Variants in NUP205 observed in about 807,000 individuals in gnomAD.
NUP205 encodes nucleoporin 205.
NUP205 carries 76 observed loss-of-function variants against 253.8 expected under a neutral mutation model. That is an observed-to-expected ratio of 0.30 (90% CI 0.25 to 0.36). The LOEUF (loss-of-function observed/expected upper bound fraction) is 0.36, where lower values mean the gene tolerates loss of function less well. NUP205 is among the 10% of genes least tolerant of loss of function. The pLI is 1.00. For missense variants in NUP205, 2,162 were observed against 2,425.5 expected (o/e 0.89, Z 2.28); for synonymous variants, 832 against 850.1 (o/e 0.98, Z 0.37).
At chr7:135,613,699 G>C (rs1311987640) in intron 22 of NUP205, 1 of 151,800 alleles carries the variant, frequency 6.6e-6, no homozygotes, top group Non-Finnish European at 1.5e-5. Flanking sequence ...ACCATGCCTG[G>C]CTAATTTTTG....
chr7:135,627,838 G>A (rs1479930303), intron 33 of NUP205, 135 bp from the exon 34 acceptor site: 6 of 719,708 alleles, frequency 8.3e-6, no homozygotes, highest in Admixed American at 2.3e-5. Context: ...ATGTATATAT[G>A]GGATGCAGAG....
At chr7:135,635,679 A>G (rs1364778873) in intron 36 of NUP205, 22 bp downstream of exon 36, 1 of 1,386,950 alleles carries the variant, frequency 7.2e-7, no homozygotes. Context: ...TTATTTCTTT[A>G]AATAGCAGTT....
Position 135,638,582 on chromosome 7 carries a change from G to T in NUP205, c.5291G>T (p.Cys1764Phe). Residue 1764 changes from cysteine to phenylalanine, a missense_variant, in exon 38 of 43, where the codon TGC (cysteine) becomes TTC (phenylalanine). Cys to Phe is a radical substitution (Grantham distance 205, BLOSUM62 -2). This residue lies in a region of NUP205 where 1,144 missense variants were observed against 1,280.9 expected (regional missense o/e 0.89). Transcript: ENST00000285968. ...QQICANVMEYCQSLMLQSSPT... is the reference protein window; with the variant it reads ...QQICANVMEYFQSLMLQSSPT... ...ATTTGTGCCAATGTAATGGAATATT[G>T]CCAGTCACTCATGTTACAGAGTTCC... The T allele has an allele frequency of 6.2e-7, 1 of 1,613,756 alleles. No homozygotes were observed. Among genetic ancestry groups the T allele is most frequent in the East Asian group, 2.2e-5 (1 of 44,868 alleles).
In NUP205 at chr7:135,614,263, T is replaced by G; in HGVS notation, c.3300T>G (p.Phe1100Leu). 6.4e-7 allele frequency: 1 copy of G among 1,563,332 alleles called. No homozygotes were observed. Among genetic ancestry groups the G allele is most frequent in the South Asian group, 1.1e-5 (1 of 89,960 alleles). Residue 1100 changes from phenylalanine (F) to leucine (L), a missense_variant, in exon 23 of 43, where the codon TTT becomes TTG. By Grantham distance (22) the Phe-to-Leu change is conservative. Around this residue, in one of 5 missense-constraint regions of NUP205, gnomAD observed 1,144 missense variants for 1,280.9 expected, o/e 0.89. Coordinates refer to ENST00000285968, the MANE Select transcript of NUP205 (RefSeq NM_015135.3). ...TTTCCCAGTTGCAGTATCTACCATT[T>G]TCTAACAAAGGTAGGCCATTATTTT... ...FLFSQLQYLP[F>L]SNKEYEISML...
chr7:135,615,305 A>G (rs1013719829), intron 23 of NUP205, among the ~76,000 whole-genome samples: 4 of 152,180 alleles, frequency 2.6e-5, no homozygotes, highest in African/African-American at 9.6e-5. Context: ...TCGCGCCTAT[A>G]ATCCCAGTGC....
intron 32 of NUP205, 124 bp downstream of exon 32, chr7:135,625,479 T>A (rs1001214149): frequency 2.2e-5 from 16 of 729,068 alleles, no homozygotes; most frequent in Non-Finnish European, 3.4e-5. Flanking sequence ...AATCCTTTTT[T>A]AAGGAGTTTT....
chr7:135,570,052 T>TATATAG (rs1284263475), intron 1 of NUP205, among the ~76,000 whole-genome samples: 75 of 79,176 alleles, frequency 9.5e-4, no homozygotes, highest in African/African-American at 2.6e-3. Context: ...TATATATATA[T>TATATAG]AGAGAGAGAG....
intron 24 of NUP205, 33 bp from the exon 25 acceptor site, chr7:135,616,622 T>TAG (rs763343481): frequency 7.7e-6 from 10 of 1,303,628 alleles, no homozygotes; most frequent in Non-Finnish European, 9.5e-6. Context: ...ATGTTCTTCT[T>TAG]TTTCTGATTC....
At chr7:135,603,040 T>A in intron 18 of NUP205, 46 bp downstream of exon 18, 1 of 1,412,294 alleles carries the variant, frequency 7.1e-7, no homozygotes, top group South Asian at 1.3e-5. Context: ...CAGATAGACA[T>A]TCTAGCTTTG....
rs531812681 is a variant in NUP205, at chr7:135,583,089, C to T, written c.1043-1743C>T. Among the ~76,000 whole-genome samples the T allele has an allele frequency of 5.3e-5, 8 of 151,940 alleles. No homozygotes were observed. In the South Asian group the frequency reaches 8.3e-4, roughly 16 times the overall value. Reference sequence around the variant, plus strand: ...TCGGCGACAGAGCGAGACTCCATCTCGAAATAAATAATAAATAAATAATAA... The same window carrying T: ...TCGGCGACAGAGCGAGACTCCATCTTGAAATAAATAATAAATAAATAATAA... On this transcript the variant is annotated intron_variant, in intron 7 of 42. Transcript: ENST00000285968.
At chr7:135,560,038 G>A (rs907193380) in intron 1 of NUP205, among the ~76,000 whole-genome samples, 2 of 151,998 alleles carry the variant, frequency 1.3e-5, no homozygotes, top group African/African-American at 4.8e-5. Context: ...TTTTGTATTT[G>A]TAGTAGAGAA....
At chr7:135,610,003 G>A (rs540237449) in intron 22 of NUP205, among the ~76,000 whole-genome samples, 1 of 152,326 alleles carries the variant, frequency 6.6e-6, no homozygotes, top group Non-Finnish European at 1.5e-5. Flanking sequence ...AGACTGGAGA[G>A]CATGTGCCTT....
At chr7:135,631,606 A>G (rs1257805210) in intron 35 of NUP205, among the ~76,000 whole-genome samples, 1 of 152,216 alleles carries the variant, frequency 6.6e-6, no homozygotes, top group Non-Finnish European at 1.5e-5. Flanking sequence ...TTATGCAACC[A>G]TAATATCCTC....
intron 28 of NUP205, among the ~76,000 whole-genome samples, chr7:135,619,181 T>C (rs1410107272): frequency 6.6e-6 from 1 of 151,880 alleles, no homozygotes; most frequent in Non-Finnish European, 1.5e-5. Context: ...CTGGGCAACA[T>C]AGTGAGATTC....
chr7:135,610,404 G>C (rs1369726229), intron 22 of NUP205, among the ~76,000 whole-genome samples: 1 of 152,192 alleles, frequency 6.6e-6, no homozygotes, highest in Non-Finnish European at 1.5e-5. Flanking sequence ...ATTTTTAGTA[G>C]AGAGGGGGCT....
In NUP205 at chr7:135,619,595, C is replaced by T; in HGVS notation, c.4136C>T (p.Pro1379Leu). The T allele has an allele frequency of 6.2e-7, 1 of 1,614,170 alleles. No homozygotes were observed. ...CTTGATAGTTGCTTCACCTCACCTCCTCCTGAAGAGAACCCATTAGTGGGT... is the reference window on the plus strand; with the variant it reads ...CTTGATAGTTGCTTCACCTCACCTCTTCCTGAAGAGAACCCATTAGTGGGT... Reference protein sequence around the residue: ...FMLDSCFTSPPPEENPLVGFA... With the variant: ...FMLDSCFTSPLPEENPLVGFA... The change falls in exon 29 of 43, where the codon CCT (proline) becomes CTT (leucine). Residue 1379 changes from proline to leucine, a missense_variant. By Grantham distance (98) the Pro-to-Leu change is moderately conservative. Transcript: ENST00000285968.
At chr7:135,637,279 T>C (rs1285315644) in intron 36 of NUP205, among the ~76,000 whole-genome samples, 2 of 152,200 alleles carry the variant, frequency 1.3e-5, no homozygotes, top group East Asian at 1.9e-4. Flanking sequence ...AGCAAAAAGT[T>C]GTACCTGTTA....
In NUP205 at chr7:135,637,380, A is replaced by T. The variant is rs1354777099; in HGVS notation, c.5137-551A>T. Among the ~76,000 whole-genome samples, 163 of 152,350 alleles carry T rather than the reference A, an allele frequency of 1.1e-3. 3 individuals are homozygous for T. The highest frequency in any genetic ancestry group is 3.9e-3 in the South Asian group (19 of 4,834). ...AGCTTGTCCTTTCTCTTTGAGAACC[A>T]TGGGAAATACTGTATTCTCAGGTGA... is the stretch of plus-strand genomic sequence containing the variant. On this transcript the variant is annotated intron_variant, in intron 36 of 42. Coordinates refer to ENST00000285968, the MANE Select transcript of NUP205 (RefSeq NM_015135.3).
intron 36 of NUP205, among the ~76,000 whole-genome samples, chr7:135,636,782 G>C (rs901151281): frequency 6.6e-6 from 1 of 152,140 alleles, no homozygotes; most frequent in Non-Finnish European, 1.5e-5. Context: ...GAGGTGGGTG[G>C]ATCGCTTGAG....
Sources: gnomAD v4.1 joint callset for allele counts (sites outside exome capture counted in the v4.1 genomes callset) on GRCh38, gnomAD v4.1.1 for gene constraint, gnomAD v4.1.1 regional missense constraint, MANE v1.5 for transcripts, NCBI Gene and HGNC (gene_info 2026-07-23, HGNC 2026-07-21) for gene names.